Variants in RGS7BP observed in about 807,000 individuals in gnomAD.
RGS7BP encodes regulator of G protein signaling 7-binding protein.
RGS7BP carries 9 observed loss-of-function variants against 31.3 expected under a neutral mutation model. The observed-to-expected ratio is 0.29, with a 90% CI of 0.17 to 0.50. The LOEUF (loss-of-function observed/expected upper bound fraction) is 0.50. RGS7BP is among the 20% of genes least tolerant of loss of function. The pLI is 0.98. For missense variants in RGS7BP, 274 were observed against 322.0 expected (o/e 0.85, Z 1.14); for synonymous variants, 115 against 120.1 (o/e 0.96, Z 0.28).
intron 5 of RGS7BP, among the ~76,000 whole-genome samples, chr5:64,601,000 G>A (rs1356190474): frequency 6.6e-6 from 1 of 152,066 alleles, no homozygotes; most frequent in African/African-American, 2.4e-5. Context: ...ATTCCTTTCC[G>A]GAATTCTTTT....
intron 2 of RGS7BP, among the ~76,000 whole-genome samples, chr5:64,544,995 C>T (rs777677476): frequency 1.3e-5 from 2 of 151,998 alleles, no homozygotes; most frequent in South Asian, 2.1e-4. Flanking sequence ...GCCAACATGG[C>T]GAAAACCCCG....
At chr5:64,583,173 A>T (rs1742649215) in intron 3 of RGS7BP, among the ~76,000 whole-genome samples, 2 of 152,182 alleles carry the variant, frequency 1.3e-5, no homozygotes, top group African/African-American at 4.8e-5. Flanking sequence ...AGATCGCTTG[A>T]GGTCAGGAGT....
At chr5:64,515,239 T>C (rs1322044987) in intron 2 of RGS7BP, among the ~76,000 whole-genome samples, 2 of 152,230 alleles carry the variant, frequency 1.3e-5, no homozygotes, top group African/African-American at 4.8e-5. Flanking sequence ...TCGATTAGTT[T>C]ACATCTTATT....
intron 5 of RGS7BP, among the ~76,000 whole-genome samples, chr5:64,599,463 C>A (rs1030333332): frequency 2.5e-4 from 38 of 152,124 alleles, no homozygotes; most frequent in African/African-American, 8.4e-4. Context: ...AGCAGCTCAG[C>A]AGAAGGTGGA....
chr5:64,559,253 C>T (rs1374047543), intron 2 of RGS7BP, among the ~76,000 whole-genome samples: 1 of 152,118 alleles, frequency 6.6e-6, no homozygotes, highest in African/African-American at 2.4e-5. Flanking sequence ...CTTTTGTACT[C>T]TTTCCCTTTA....
intron 2 of RGS7BP, among the ~76,000 whole-genome samples, chr5:64,516,246 A>T (rs1273403436): frequency 1.3e-5 from 2 of 152,190 alleles, no homozygotes; most frequent in Admixed American, 1.3e-4. Flanking sequence ...ATATATACTA[A>T]CCCAGAAGAA....
intron 2 of RGS7BP, among the ~76,000 whole-genome samples, chr5:64,567,009 C>T (rs2111877301): frequency 6.6e-6 from 1 of 151,446 alleles, no homozygotes; most frequent in East Asian, 2.0e-4. Flanking sequence ...AACAGATACA[C>T]TTTAATTTTA....
At chr5:64,518,435 G>A (rs13184264) in intron 2 of RGS7BP, among the ~76,000 whole-genome samples, 17,836 of 152,042 alleles carry the variant, frequency 0.12, 1,372 homozygotes, top group African/African-American at 0.21. Flanking sequence ...TAAATGCAGT[G>A]AGGAAAATAA....
chr5:64,525,515 T>G (rs910164919), intron 2 of RGS7BP, among the ~76,000 whole-genome samples: 29 of 152,240 alleles, frequency 1.9e-4, no homozygotes, highest in African/African-American at 6.5e-4. Context: ...ACTGTGGATA[T>G]TCTAGTGATT....
chr5:64,609,510 C>G lies in RGS7BP; in HGVS notation c.*258C>G. ...AAAGCTGACATTGTGCATGTCTGCT[C>G]CAAACCACGCCATGACAGATGCAAG... On this transcript the variant is annotated 3_prime_UTR_variant, in exon 6 of 6. Coordinates refer to ENST00000334025, the MANE Select transcript of RGS7BP (RefSeq NM_001029875.3). 1 of 458,268 alleles carries G rather than the reference C, an allele frequency of 2.2e-6. No individual in the cohort carries two copies. The highest frequency in any genetic ancestry group is 3.0e-5 in the South Asian group (1 of 33,242). The allele number at this position is 458,268 out of a possible 1,614,324, so 28.4% of individuals were successfully genotyped here. A position where few individuals can be genotyped will look rare whatever the true frequency, so the allele number is the denominator to read the frequency against.
intron 2 of RGS7BP, among the ~76,000 whole-genome samples, chr5:64,549,653 C>T (rs1186657918): frequency 1.3e-5 from 2 of 152,216 alleles, no homozygotes; most frequent in Non-Finnish European, 2.9e-5. Flanking sequence ...CTGTCTCCAT[C>T]CCCTTCTGTT....
At chr5:64,575,073 T>C (rs984822356) in intron 2 of RGS7BP, among the ~76,000 whole-genome samples, 2 of 152,132 alleles carry the variant, frequency 1.3e-5, no homozygotes, top group African/African-American at 2.4e-5. Flanking sequence ...TGCTCCATGT[T>C]TTATCATTTA....
At chr5:64,587,098 G>A (rs1742777303) in intron 3 of RGS7BP, among the ~76,000 whole-genome samples, 1 of 152,084 alleles carries the variant, frequency 6.6e-6, no homozygotes, top group Non-Finnish European at 1.5e-5. Context: ...GGGAAAACAA[G>A]GAAAACCTGA....
intron 2 of RGS7BP, among the ~76,000 whole-genome samples, chr5:64,546,545 A>G (rs1316254598): frequency 1.3e-5 from 2 of 152,178 alleles, no homozygotes; most frequent in Non-Finnish European, 2.9e-5. Flanking sequence ...ATTTCAGGGA[A>G]GGGAAGAGGA....
intron 4 of RGS7BP, 30 bp downstream of exon 4, chr5:64,594,887 C>A (rs776665843): frequency 5.6e-6 from 9 of 1,607,980 alleles, no homozygotes; most frequent in Non-Finnish European, 7.7e-6. Context: ...GAATAGACTG[C>A]CAATCCTCCT....
chr5:64,559,928 T>TG (rs1436996523), intron 2 of RGS7BP, among the ~76,000 whole-genome samples: 4 of 152,152 alleles, frequency 2.6e-5, no homozygotes, highest in Non-Finnish European at 5.9e-5. Flanking sequence ...GTCAAAATCC[T>TG]GGAAAAACAC....
At chr5:64,589,921 A>G (rs935735943) in intron 3 of RGS7BP, among the ~76,000 whole-genome samples, 65 of 140,964 alleles carry the variant, frequency 4.6e-4, no homozygotes, top group African/African-American at 1.7e-3. Flanking sequence ...CGAGACCCTG[A>G]CTCAAAAAAA....
intron 3 of RGS7BP, among the ~76,000 whole-genome samples, chr5:64,593,714 A>G (rs775395955): frequency 5.9e-5 from 9 of 152,290 alleles, no homozygotes; most frequent in Middle Eastern, 3.4e-3. Context: ...TTTCACCTCC[A>G]TATCTCTAGC....
intron 2 of RGS7BP, among the ~76,000 whole-genome samples, chr5:64,553,732 TTGAG>T (rs1175473162): frequency 6.6e-6 from 1 of 152,100 alleles, no homozygotes; most frequent in Non-Finnish European, 1.5e-5. Context: ...CTGTGTAAGA[TTGAG>T]TGAGATAATG....
Sources: gnomAD v4.1 joint callset for allele counts (sites outside exome capture counted in the v4.1 genomes callset) on GRCh38, gnomAD v4.1.1 for gene constraint, MANE v1.5 for transcripts, NCBI Gene and HGNC (gene_info 2026-07-23, HGNC 2026-07-21) for gene names.